The following MYH11 variants were observed in gnomAD, a reference collection of about 807,000 sequenced individuals.
MYH11 encodes myosin-11.
In MYH11, 80 loss-of-function variants were observed where a neutral mutation model predicts 246.6. The ratio of observed to expected loss-of-function variants is 0.32; its 90% confidence interval spans 0.27 to 0.39. The LOEUF (loss-of-function observed/expected upper bound fraction) is 0.39. MYH11 is among the 10% of genes least tolerant of loss of function. The probability of loss-of-function intolerance (pLI) is 1.00; values close to 1 mark genes in which losing one functional copy is unlikely to be tolerated. For synonymous variants in MYH11, 1,071 were observed against 1,015.5 expected (o/e 1.05, Z -1.04); for missense variants, 2,158 against 2,546.8 (o/e 0.85, Z 3.29).
intron 2 of MYH11, among the ~76,000 whole-genome samples, chr16:15,827,450 A>G (rs1447391224): frequency 2.6e-5 from 4 of 152,178 alleles, no homozygotes; most frequent in Non-Finnish European, 5.9e-5. Flanking sequence ...AAGCGGCTCC[A>G]TCGGACCGAA....
intron 1 of MYH11, among the ~76,000 whole-genome samples, chr16:15,847,266 T>TC (rs972996110): frequency 1.4e-4 from 13 of 89,842 alleles, no homozygotes; most frequent in African/African-American, 3.8e-4. Context: ...TTTTTTTTTT[T>TC]CTGAGACAGG....
chr16:15,787,974 T>G (rs1378269567), intron 4 of MYH11, among the ~76,000 whole-genome samples: 1 of 151,858 alleles, frequency 6.6e-6, no homozygotes, highest in Admixed American at 6.6e-5. Context: ...TAAACCCAGT[T>G]GAAGTAATTC....
At chr16:15,849,220 G>A (rs1462057039) in intron 1 of MYH11, among the ~76,000 whole-genome samples, 1 of 152,084 alleles carries the variant, frequency 6.6e-6, no homozygotes, top group African/African-American at 2.4e-5. Flanking sequence ...TTGTAGAGAT[G>A]GGGGTCTTGC....
At position 15,788,077 on chromosome 16, in the gene MYH11, C is replaced by CTTTTTTTTTTTTTTTTTTTTTTTTTTTTT. The variant is rs1555569336; in HGVS notation, c.531-1346_531-1345insAAAAAAAAAAAAAAAAAAAAAAAAAAAAA. Among the ~76,000 whole-genome samples the CTTTTTTTTTTTTTTTTTTTTTTTTTTTTT allele has an allele frequency of 1.1e-3, 59 of 55,350 alleles. 7 individuals are homozygous for CTTTTTTTTTTTTTTTTTTTTTTTTTTTTT. The highest frequency in any genetic ancestry group is 1.6e-3 in the Non-Finnish European group (43 of 27,344). The allele number at this position is 55,350 out of a possible 152,430, so 36.3% of individuals were successfully genotyped here. A position where few individuals can be genotyped will look rare whatever the true frequency, so the allele number is the denominator to read the frequency against. On this transcript the variant is annotated intron_variant, in intron 4 of 40. Transcript: ENST00000300036. Reference sequence around the variant, plus strand: ...GTCCTCCTGGAATATGAAGGTAGATCTTTTTTTTTTTTTTTTTTACCAAGA... The same window carrying CTTTTTTTTTTTTTTTTTTTTTTTTTTTTT: ...GTCCTCCTGGAATATGAAGGTAGATCTTTTTTTTTTTTTTTTTTTTTTTTTTTTTTTTTTTTTTTTTTTTTTTACCAAGA...
At chr16:15,771,739 G>A (rs747268799) in intron 8 of MYH11, 27 bp from the exon 9 acceptor site, 2 of 1,613,850 alleles carry the variant, frequency 1.2e-6, no homozygotes, top group Non-Finnish European at 1.7e-6. Context: ...ACAGGTCAGG[G>A]TCAATAAGAC....
At chr16:15,714,832 G>A in intron 40 of MYH11, 77 bp downstream of exon 40, 1 of 1,570,070 alleles carries the variant, frequency 6.4e-7, no homozygotes, top group South Asian at 1.1e-5. Flanking sequence ...GGCATTTGCA[G>A]GCCGAAAGGA....
At chr16:15,704,807 ATAT>A (rs1238878346) in intron 40 of MYH11, among the ~76,000 whole-genome samples, 1 of 152,186 alleles carries the variant, frequency 6.6e-6, no homozygotes, top group Non-Finnish European at 1.5e-5. Context: ...TGCCCAGTGA[ATAT>A]TAGAAAAGGA....
intron 19 of MYH11, among the ~76,000 whole-genome samples, chr16:15,745,579 T>C (rs2041395240): frequency 7.8e-6 from 1 of 128,138 alleles, no homozygotes; most frequent in South Asian, 2.5e-4. Flanking sequence ...TTTTTCTTTC[T>C]TTCTTTTTTT....
At chr16:15,782,546 T>A in intron 5 of MYH11, 69 bp from the exon 6 acceptor site, 1 of 1,288,246 alleles carries the variant, frequency 7.8e-7, no homozygotes, top group Admixed American at 1.7e-5. Flanking sequence ...CTTGGATGGA[T>A]GTTGTCACAA....
chr16:15,731,142 GA>G (rs2040949282), intron 27 of MYH11, among the ~76,000 whole-genome samples: 1 of 152,218 alleles, frequency 6.6e-6, no homozygotes, highest in South Asian at 2.1e-4. Flanking sequence ...AGTCTGCAGA[GA>G]AATTAAAGTG....
At chr16:15,788,161 T>C (rs1468280771) in intron 4 of MYH11, among the ~76,000 whole-genome samples, 1 of 140,020 alleles carries the variant, frequency 7.1e-6, no homozygotes, top group African/African-American at 2.7e-5. Context: ...ATGGAACCGC[T>C]CCATCCAGAT....
At position 15,823,420 on chromosome 16, in the gene MYH11, A is replaced by C; in HGVS notation, c.346-9T>G. 1 of 1,614,208 alleles carries C rather than the reference A, an allele frequency of 6.2e-7. No homozygotes were observed. ...AAGAGGCCAGAGTACGTCTGCAGACAGAGAACCCAGCTTACTTCCAGACCT... is the reference window on the plus strand; with the variant it reads ...AAGAGGCCAGAGTACGTCTGCAGACCGAGAACCCAGCTTACTTCCAGACCT... On this transcript the variant is annotated splice_polypyrimidine_tract_variant and intron_variant, in intron 2 of 40. Coordinates refer to ENST00000300036, the MANE Select transcript of MYH11 (RefSeq NM_002474.3).
intron 1 of MYH11, among the ~76,000 whole-genome samples, chr16:15,855,539 C>T (rs2044443070): frequency 6.6e-6 from 1 of 152,208 alleles, no homozygotes; most frequent in Non-Finnish European, 1.5e-5. Context: ...TGAGCCTCAG[C>T]TGCCTTGTAT....
At chr16:15,840,588 C>G (rs1280370683) in intron 1 of MYH11, among the ~76,000 whole-genome samples, 2 of 152,088 alleles carry the variant, frequency 1.3e-5, no homozygotes, top group East Asian at 3.9e-4. Context: ...AAAAATTAGC[C>G]TGGCACGGTG....
chr16:15,791,157 T>C (rs1448658644), intron 4 of MYH11: 1 of 152,192 alleles, frequency 6.6e-6, no homozygotes, highest in African/African-American at 2.4e-5. Context: ...GATTTCACCA[T>C]GTTGGCGAGG....
At chr16:15,706,873 G>A (rs980500757) in intron 40 of MYH11, among the ~76,000 whole-genome samples, 7 of 152,262 alleles carry the variant, frequency 4.6e-5, no homozygotes, top group East Asian at 1.9e-4. Flanking sequence ...GCCCTGGGCC[G>A]TTGAAGCTCC....
At chr16:15,814,771 C>G (rs894312077) in intron 3 of MYH11, among the ~76,000 whole-genome samples, 2 of 151,976 alleles carry the variant, frequency 1.3e-5, no homozygotes, top group African/African-American at 4.8e-5. Context: ...TTAGACCCCT[C>G]CCATATCTTC....
chr16:15,773,024 G>A (rs558222985), intron 8 of MYH11, among the ~76,000 whole-genome samples: 1 of 152,034 alleles, frequency 6.6e-6, no homozygotes, highest in African/African-American at 2.4e-5. Flanking sequence ...ATAATAAAGT[G>A]CACAGTAAAT....
chr16:15,753,150 T>C (rs540422159), intron 15 of MYH11, among the ~76,000 whole-genome samples: 1 of 152,258 alleles, frequency 6.6e-6, no homozygotes, highest in South Asian at 2.1e-4. Flanking sequence ...GTTTCTCCTC[T>C]ATTGCCTGAG....
Sources: allele counts gnomAD v4.1 joint callset (sites outside exome capture counted in the v4.1 genomes callset), GRCh38; gene constraint gnomAD v4.1.1; transcripts MANE v1.5; gene names NCBI Gene and HGNC (gene_info 2026-07-23, HGNC 2026-07-21).